The following SIK2 variants were observed in gnomAD, a reference collection of about 807,000 sequenced individuals.
SIK2 encodes the protein serine/threonine-protein kinase SIK2.
In SIK2, 29 loss-of-function variants were observed where a neutral mutation model predicts 103.2. The observed-to-expected ratio is 0.28, with a 90% confidence interval of 0.21 to 0.38. SIK2 has a LOEUF of 0.38. SIK2 is among the 10% of genes least tolerant of loss of function. The pLI, the probability that SIK2 is intolerant of heterozygous loss-of-function variation, is 1.00. For synonymous variants in SIK2, 412 were observed against 446.1 expected (o/e 0.92, Z 0.96); for missense variants, 879 against 1,171.0 (o/e 0.75, Z 3.64).
Position 111,700,808 on chromosome 11 carries a change from A to G in SIK2, c.479-78A>G, listed in dbSNP as rs908153631. 9.7e-6 allele frequency: 15 copies of G among 1,547,266 alleles called. No individual in the cohort carries two copies. The African/African-American group carries it at 1.5e-4, about 16-fold the overall frequency. On this transcript the variant is annotated intron_variant, in intron 4 of 14. Coordinates refer to ENST00000304987, the MANE Select transcript of SIK2 (RefSeq NM_015191.3). ...AGTAGTGATATTGTTAATATAGCAT[A>G]TTAGAAAATTTATTACAGAGAAATG...
chr11:111,709,338 C>T (rs924621332), intron 8 of SIK2, among the ~76,000 whole-genome samples: 1 of 152,212 alleles, frequency 6.6e-6, no homozygotes, highest in Non-Finnish European at 1.5e-5. Context: ...AAGGCCCTGT[C>T]TCCAGATATA....
chr11:111,649,043 C>A (rs1286837479), intron 3 of SIK2, among the ~76,000 whole-genome samples: 2 of 152,148 alleles, frequency 1.3e-5, no homozygotes, highest in Admixed American at 6.5e-5. Flanking sequence ...TTTACTCTTT[C>A]CTAAATTCTG....
Position 111,727,116 on chromosome 11 carries a change from G to T in SIK2, c.*2987G>T, listed in dbSNP as rs190477202. The T allele has an allele frequency of 6.8e-7, 1 of 1,472,034 alleles. No homozygotes were observed. Among genetic ancestry groups the T allele is most frequent in the Non-Finnish European group, 9.5e-7 (1 of 1,054,336 alleles). 91.2% of individuals were successfully genotyped at this position (1,472,034 alleles called of 1,614,324 possible). A position where few individuals can be genotyped will look rare whatever the true frequency, so the allele number is the denominator to read the frequency against. On this transcript the variant is annotated 3_prime_UTR_variant, in exon 15 of 15. Coordinates refer to ENST00000304987, the MANE Select transcript of SIK2 (RefSeq NM_015191.3). ...AGAGGGGGCCCACTTTCACATTCCCGGTGACACTGACCGTCCCCAGCTGCC... is the reference window on the plus strand; with the variant it reads ...AGAGGGGGCCCACTTTCACATTCCCTGTGACACTGACCGTCCCCAGCTGCC...
chr11:111,648,474 TG>T (rs1167438462), intron 3 of SIK2, among the ~76,000 whole-genome samples: 3 of 152,092 alleles, frequency 2.0e-5, no homozygotes, highest in Non-Finnish European at 4.4e-5. Context: ...TCCTGAACAG[TG>T]CCCTCATGAC....
At chr11:111,610,656 A>T (rs963584165) in intron 1 of SIK2, among the ~76,000 whole-genome samples, 1 of 152,114 alleles carries the variant, frequency 6.6e-6, no homozygotes, top group Non-Finnish European at 1.5e-5. Context: ...AAAATTTCAC[A>T]TTGTTAGAAA....
chr11:111,715,534 T>G (rs1051902500), intron 9 of SIK2, among the ~76,000 whole-genome samples: 1 of 152,176 alleles, frequency 6.6e-6, no homozygotes, highest in Non-Finnish European at 1.5e-5. Context: ...AAATTGTCAG[T>G]AAAATCCCTT....
At chr11:111,618,343 C>G (rs1031018448) in intron 2 of SIK2, among the ~76,000 whole-genome samples, 3 of 152,054 alleles carry the variant, frequency 2.0e-5, no homozygotes, top group Non-Finnish European at 4.4e-5. Context: ...TGTGACCCGG[C>G]GGTTAGGAAC....
intron 3 of SIK2, chr11:111,672,147 T>C: frequency 2.3e-6 from 1 of 443,660 alleles, no homozygotes; most frequent in Non-Finnish European, 4.3e-6. Context: ...TGGGGTCCAC[T>C]TCCAGCTTAA....
chr11:111,700,743 C>A, intron 4 of SIK2, 143 bp from the exon 5 acceptor site: 1 of 946,724 alleles, frequency 1.1e-6, no homozygotes, highest in Non-Finnish European at 1.5e-6. Flanking sequence ...GCCAGGGAAA[C>A]ATCACAAGAT....
chr11:111,638,778 A>G (rs548900904), intron 3 of SIK2, among the ~76,000 whole-genome samples: 3 of 152,124 alleles, frequency 2.0e-5, no homozygotes, highest in Non-Finnish European at 4.4e-5. Flanking sequence ...TTATAATTCC[A>G]TAATCTATAA....
intron 2 of SIK2, among the ~76,000 whole-genome samples, chr11:111,616,781 A>T (rs1291336568): frequency 6.6e-6 from 1 of 152,042 alleles, no homozygotes; most frequent in South Asian, 2.1e-4. Context: ...GCAGTGAGCT[A>T]TATCATACCA....
At chr11:111,716,367 A>G (rs961816479) in intron 9 of SIK2, among the ~76,000 whole-genome samples, 3 of 152,080 alleles carry the variant, frequency 2.0e-5, no homozygotes, top group Non-Finnish European at 1.5e-5. Context: ...ACCTGAGGTC[A>G]GGAGTTCAAG....
intron 3 of SIK2, among the ~76,000 whole-genome samples, chr11:111,648,579 G>C (rs1267943075): frequency 6.6e-6 from 1 of 151,618 alleles, no homozygotes; most frequent in Non-Finnish European, 1.5e-5. Flanking sequence ...CAAGACCATA[G>C]CATATAATAT....
chr11:111,720,807 A>G, intron 11 of SIK2, 45 bp downstream of exon 11: 2 of 1,571,190 alleles, frequency 1.3e-6, no homozygotes, highest in South Asian at 2.4e-5. Context: ...GTCGTAGGAG[A>G]GCAGTTTCTT....
At chr11:111,674,663 G>A (rs1267926267) in intron 3 of SIK2, among the ~76,000 whole-genome samples, 3 of 152,008 alleles carry the variant, frequency 2.0e-5, no homozygotes, top group African/African-American at 7.3e-5. Context: ...TTCAAAAGAT[G>A]TCTTTGTACA....
chr11:111,724,199 TA>T lies in SIK2; in HGVS notation c.*73del. 1 of 1,524,800 alleles carries T rather than the reference TA, an allele frequency of 6.6e-7. No homozygotes were observed. Among genetic ancestry groups the T allele is most frequent in the Non-Finnish European group, 8.8e-7 (1 of 1,142,280 alleles). The allele number at this position is 1,524,800 out of a possible 1,614,324, so 94.5% of individuals were successfully genotyped here. A position where few individuals can be genotyped will look rare whatever the true frequency, so the allele number is the denominator to read the frequency against. On this transcript the variant is annotated 3_prime_UTR_variant, in exon 15 of 15. Transcript: ENST00000304987. Reference sequence around the variant, plus strand: ...TGTTCCTATTTTTATTCCAGCCTTTTAAATTTAAAGCTTATTTTCTTGCCCT... The same window carrying T: ...TGTTCCTATTTTTATTCCAGCCTTTTAATTTAAAGCTTATTTTCTTGCCCT...
intron 3 of SIK2, among the ~76,000 whole-genome samples, chr11:111,634,331 A>G (rs1452589434): frequency 6.6e-6 from 1 of 152,208 alleles, no homozygotes; most frequent in Non-Finnish European, 1.5e-5. Context: ...TCTTTGGTTA[A>G]TATCTTCACA....
At chr11:111,709,066 A>G (rs1425141243) in intron 8 of SIK2, among the ~76,000 whole-genome samples, 2 of 152,230 alleles carry the variant, frequency 1.3e-5, no homozygotes, top group Non-Finnish European at 2.9e-5. Context: ...ACGAAATACC[A>G]CAGACCTAGT....
chr11:111,711,121 A>AT (rs773337497), intron 8 of SIK2, among the ~76,000 whole-genome samples: 5,973 of 143,892 alleles, frequency 0.042, 200 homozygotes, highest in African/African-American at 0.084. Context: ...CTTTTAAATG[A>AT]TTTTTTTTTT....
Sources: allele counts gnomAD v4.1 joint callset (sites outside exome capture counted in the v4.1 genomes callset), GRCh38; gene constraint gnomAD v4.1.1; transcripts MANE v1.5; gene names NCBI Gene and HGNC (gene_info 2026-07-23, HGNC 2026-07-21).